UNC5D: variants seen among roughly 807,000 people sequenced by gnomAD.
UNC5D encodes netrin receptor UNC5D.
A neutral mutation model predicts 105.4 loss-of-function variants in UNC5D; 39 were observed. The observed-to-expected ratio is 0.37, with a 90% CI of 0.29 to 0.48. The LOEUF is 0.48. Among genes scored for constraint, UNC5D ranks in the 20% least tolerant of loss-of-function variants. The pLI is 0.98. For missense variants in UNC5D, 991 were observed against 1,202.4 expected (o/e 0.82, Z 2.60); for synonymous variants, 452 against 450.4 (o/e 1.00, Z -0.04).
At chr8:35,591,875 A>G (rs754963976) in intron 3 of UNC5D, among the ~76,000 whole-genome samples, 18 of 152,224 alleles carry the variant, frequency 1.2e-4, no homozygotes, top group Non-Finnish European at 2.1e-4. Context: ...TCTGTTACCA[A>G]CACAGCAATC....
intron 2 of UNC5D, among the ~76,000 whole-genome samples, chr8:35,562,569 A>G (rs1391994102): frequency 6.6e-6 from 1 of 151,942 alleles, no homozygotes; most frequent in African/African-American, 2.4e-5. Flanking sequence ...TTCCCTGATG[A>G]TTAGTGATGT....
Position 35,705,950 on chromosome 8 carries a change from TA to T in UNC5D, c.1110del (p.Lys370AsnfsTer51). 2 of 1,316,378 alleles carry T rather than the reference TA, an allele frequency of 1.5e-6. No homozygotes were observed. The highest frequency in any genetic ancestry group is 2.1e-6 in the Non-Finnish European group (2 of 938,016). 81.5% of individuals were successfully genotyped at this position (1,316,378 alleles called of 1,614,324 possible). On this transcript the variant is annotated frameshift_variant, in exon 8 of 17. Transcript: ENST00000404895. LOFTEE classifies it high-confidence loss of function. Reference sequence around the variant, plus strand: ...TTAGATAAAAAACCTCTTCATGAAATAAAACCCCAAAGTAAGTTATTTTTCC... The same window carrying T: ...TTAGATAAAAAACCTCTTCATGAAATAAACCCCAAAGTAAGTTATTTTTCC... ...CILDKKPLHE[I>X]KPQSIENASD...
chr8:35,589,022 G>T (rs1481208459), intron 3 of UNC5D, among the ~76,000 whole-genome samples: 1 of 150,946 alleles, frequency 6.6e-6, no homozygotes, highest in Non-Finnish European at 1.5e-5. Flanking sequence ...CAGCCTGGGC[G>T]ACAAGAGCAA....
At chr8:35,731,586 G>A (rs1042851230) in intron 11 of UNC5D, among the ~76,000 whole-genome samples, 1 of 151,856 alleles carries the variant, frequency 6.6e-6, no homozygotes, top group Non-Finnish European at 1.5e-5. Flanking sequence ...AACCATACAT[G>A]ACTCCACAGT....
chr8:35,267,759 C>T (rs1028970586), intron 1 of UNC5D, among the ~76,000 whole-genome samples: 23 of 152,064 alleles, frequency 1.5e-4, no homozygotes, highest in African/African-American at 2.7e-4. Flanking sequence ...TTTTTTGAAC[C>T]GCATAGATGT....
intron 1 of UNC5D, among the ~76,000 whole-genome samples, chr8:35,268,229 C>T (rs2141433): frequency 0.82 from 124,462 of 151,842 alleles, 51,445 homozygotes; most frequent in East Asian, 1. Context: ...TCTTCTGATT[C>T]TTTTTTAGAA....
intron 1 of UNC5D, among the ~76,000 whole-genome samples, chr8:35,406,922 G>A (rs140201118): frequency 6.6e-6 from 1 of 152,076 alleles, no homozygotes; most frequent in Non-Finnish European, 1.5e-5. Flanking sequence ...TATATATGGT[G>A]CATGTATATA....
At chr8:35,391,563 A>G (rs1439454709) in intron 1 of UNC5D, among the ~76,000 whole-genome samples, 1 of 152,158 alleles carries the variant, frequency 6.6e-6, no homozygotes, top group Non-Finnish European at 1.5e-5. Flanking sequence ...ATACCAGTGG[A>G]AGAAATGCCC....
intron 6 of UNC5D, among the ~76,000 whole-genome samples, chr8:35,685,967 A>C (rs752942817): frequency 6.6e-6 from 1 of 152,222 alleles, no homozygotes; most frequent in Non-Finnish European, 1.5e-5. Flanking sequence ...TAGTGGAATT[A>C]AATTCAGTTT....
chr8:35,514,703 G>T (rs1343735793), intron 1 of UNC5D, among the ~76,000 whole-genome samples: 2 of 152,052 alleles, frequency 1.3e-5, no homozygotes, highest in Non-Finnish European at 1.5e-5. Flanking sequence ...CAAACAAAAA[G>T]AAATCAACAT....
At chr8:35,298,864 G>T (rs1241470872) in intron 1 of UNC5D, among the ~76,000 whole-genome samples, 2 of 152,198 alleles carry the variant, frequency 1.3e-5, no homozygotes, top group Admixed American at 6.5e-5. Context: ...TTAACAAAGT[G>T]ATTAGGTTAG....
chr8:35,604,548 C>G (rs1431940576), intron 4 of UNC5D, among the ~76,000 whole-genome samples: 2 of 152,134 alleles, frequency 1.3e-5, no homozygotes, highest in African/African-American at 2.4e-5. Context: ...CGAGGAGTAT[C>G]TTTGTGGCAT....
chr8:35,678,247 C>A (rs1019328050), intron 4 of UNC5D, among the ~76,000 whole-genome samples: 1 of 152,090 alleles, frequency 6.6e-6, no homozygotes, highest in East Asian at 1.9e-4. Context: ...CTGGCATGAC[C>A]AAGTTTATGC....
At chr8:35,498,191 ACAGACATGTCTACT>A (rs1207188633) in intron 1 of UNC5D, among the ~76,000 whole-genome samples, 1 of 151,778 alleles carries the variant, frequency 6.6e-6, no homozygotes, top group African/African-American at 2.4e-5. Context: ...GTCAAATGAT[ACAGACATGTCTACT>A]AAGTCAGGGG....
Position 35,766,417 on chromosome 8 carries a change from G to A in UNC5D, c.2314-485G>A, listed in dbSNP as rs181253193. Among the ~76,000 whole-genome samples, 73 of 152,202 alleles carry A rather than the reference G, an allele frequency of 4.8e-4. 1 individual carries two copies. The East Asian group carries it at 0.013, about 28-fold the overall frequency. On this transcript the variant is annotated intron_variant, in intron 14 of 16. Coordinates refer to ENST00000404895, the MANE Select transcript of UNC5D (RefSeq NM_080872.4). ...TTATGTTGGATACATTAGCAATATT[G>A]TATTCTCACAATTCTGCATGAGTTT... is the stretch of plus-strand genomic sequence containing the variant.
chr8:35,518,356 T>G (rs967198636), intron 1 of UNC5D, among the ~76,000 whole-genome samples: 3 of 152,218 alleles, frequency 2.0e-5, no homozygotes, highest in African/African-American at 7.2e-5. Flanking sequence ...AGCATACTTC[T>G]ATGTACTTGT....
intron 1 of UNC5D, among the ~76,000 whole-genome samples, chr8:35,522,060 T>G (rs186269082): frequency 6.8e-4 from 103 of 152,318 alleles, no homozygotes; most frequent in African/African-American, 2.4e-3. Flanking sequence ...AAGTCTTAGA[T>G]TTCATAACAC....
chr8:35,566,589 G>C (rs746271918), intron 2 of UNC5D, among the ~76,000 whole-genome samples: 1 of 152,158 alleles, frequency 6.6e-6, no homozygotes, highest in African/African-American at 2.4e-5. Context: ...TTTGGTGTGC[G>C]AACACCAGGC....
At chr8:35,757,394 T>C (rs1437668455) in intron 13 of UNC5D, among the ~76,000 whole-genome samples, 2 of 152,126 alleles carry the variant, frequency 1.3e-5, no homozygotes, top group Non-Finnish European at 2.9e-5. Context: ...TGCTTGTGAA[T>C]GCCCTGCTCA....
Sources: gnomAD v4.1 joint callset for allele counts (sites outside exome capture counted in the v4.1 genomes callset) on GRCh38, gnomAD v4.1.1 for gene constraint, MANE v1.5 for transcripts, NCBI Gene and HGNC (gene_info 2026-07-23, HGNC 2026-07-21) for gene names.